The following TGFB2 variants were observed in gnomAD, a reference collection of about 807,000 sequenced individuals.
The protein encoded by TGFB2 is transforming growth factor beta-2 proprotein.
Under a neutral mutation model 42.7 loss-of-function variants are expected in TGFB2, and 13 were observed. The ratio of observed to expected loss-of-function variants is 0.30; its 90% CI spans 0.20 to 0.48. The LOEUF (loss-of-function observed/expected upper bound fraction) is 0.48, where lower values mean the gene tolerates loss of function less well. TGFB2 is among the 20% of genes least tolerant of loss of function. TGFB2 has a pLI of 0.99. For synonymous variants in TGFB2, 193 were observed against 193.6 expected, an observed-to-expected ratio of 1.00 and a Z score of 0.03; for missense variants, 390 against 517.5, an observed-to-expected ratio of 0.75 and a Z score of 2.39.
At chr1:218,423,049 G>A (rs1558256784) in intron 2 of TGFB2, among the ~76,000 whole-genome samples, 1 of 152,172 alleles carries the variant, frequency 6.6e-6, no homozygotes, top group Non-Finnish European at 1.5e-5. Context: ...GCCTTCCAGA[G>A]TATGGATGTG....
chr1:218,439,757 CAT>C (rs1182195375), intron 6 of TGFB2, among the ~76,000 whole-genome samples: 1 of 152,210 alleles, frequency 6.6e-6, no homozygotes, highest in Non-Finnish European at 1.5e-5. Context: ...CAAGTAGAAA[CAT>C]AATTCTCCTC....
chr1:218,430,568 T>C (rs1247808553), intron 2 of TGFB2, among the ~76,000 whole-genome samples: 10 of 152,196 alleles, frequency 6.6e-5, no homozygotes, highest in Non-Finnish European at 1.3e-4. Flanking sequence ...ATCTGGTCAC[T>C]TCCTGTATAA....
At chr1:218,373,472 TATG>T (rs1657639186) in intron 1 of TGFB2, among the ~76,000 whole-genome samples, 1 of 151,772 alleles carries the variant, frequency 6.6e-6, no homozygotes, top group African/African-American at 2.4e-5. Flanking sequence ...TTAGTTATAA[TATG>T]ATTATATTAC....
intron 5 of TGFB2, 23 bp downstream of exon 5, chr1:218,436,170 C>T (rs1227562793): frequency 2.5e-6 from 4 of 1,602,422 alleles, no homozygotes; most frequent in Non-Finnish European, 3.4e-6. Flanking sequence ...AAAGTAAAAC[C>T]AAGTAATTGC....
At chr1:218,378,463 T>C (rs1037945170) in intron 1 of TGFB2, among the ~76,000 whole-genome samples, 2 of 151,388 alleles carry the variant, frequency 1.3e-5, no homozygotes, top group Non-Finnish European at 3.0e-5. Flanking sequence ...AGGCGTGAGC[T>C]ACTGCACCCG....
intron 6 of TGFB2, among the ~76,000 whole-genome samples, chr1:218,439,107 CAAAA>C (rs5781035): frequency 1.5e-4 from 16 of 103,886 alleles, no homozygotes; most frequent in African/African-American, 2.8e-4. Context: ...GATCCTGTCT[CAAAA>C]AAAAAAAAAA....
chr1:218,368,696 T>C (rs1236091381), intron 1 of TGFB2, among the ~76,000 whole-genome samples: 4 of 152,090 alleles, frequency 2.6e-5, no homozygotes, highest in Admixed American at 2.0e-4. Context: ...AGGGAGTGCA[T>C]GTAAGCAGAC....
At chr1:218,435,905 A>T in intron 4 of TGFB2, 65 bp from the exon 5 acceptor site, 2 of 1,506,448 alleles carry the variant, frequency 1.3e-6, no homozygotes, top group Non-Finnish European at 1.8e-6. Context: ...AAGGAAAAAA[A>T]TATGGCTGAC....
At chr1:218,428,617 G>C (rs1659703833) in intron 2 of TGFB2, among the ~76,000 whole-genome samples, 1 of 152,122 alleles carries the variant, frequency 6.6e-6, no homozygotes. Context: ...TCTTGTTTTT[G>C]TCAGGTTTGT....
intron 2 of TGFB2, among the ~76,000 whole-genome samples, chr1:218,431,308 AG>A (rs1400044864): frequency 6.6e-6 from 1 of 152,164 alleles, no homozygotes; most frequent in Non-Finnish European, 1.5e-5. Flanking sequence ...AAAGAGAAAA[AG>A]CTTCAGAGTC....
chr1:218,426,095 A>G (rs1659613970), intron 2 of TGFB2, among the ~76,000 whole-genome samples: 1 of 152,210 alleles, frequency 6.6e-6, no homozygotes. Context: ...CACACTAATG[A>G]ACCTGGTGTC....
At chr1:218,423,454 G>A (rs915463037) in intron 2 of TGFB2, among the ~76,000 whole-genome samples, 2 of 152,124 alleles carry the variant, frequency 1.3e-5, no homozygotes, top group African/African-American at 4.8e-5. Context: ...TAGAGTGAAA[G>A]TAAGCATGTC....
chr1:218,428,413 G>A (rs534397766), intron 2 of TGFB2, among the ~76,000 whole-genome samples: 2 of 152,306 alleles, frequency 1.3e-5, no homozygotes, highest in South Asian at 2.1e-4. Context: ...CCTTGCCCAT[G>A]CCCATGTCCT....
chr1:218,429,798 G>A (rs904458928), intron 2 of TGFB2, among the ~76,000 whole-genome samples: 12 of 152,136 alleles, frequency 7.9e-5, no homozygotes, highest in African/African-American at 2.9e-4. Context: ...TCAGTTTCTA[G>A]ACCATTTAAT....
chr1:218,347,660 A>G (rs1656735041), intron 1 of TGFB2, among the ~76,000 whole-genome samples: 1 of 152,108 alleles, frequency 6.6e-6, no homozygotes, highest in Non-Finnish European at 1.5e-5. Flanking sequence ...ATCATTTGCT[A>G]TCACTAGGTG....
intron 1 of TGFB2, among the ~76,000 whole-genome samples, chr1:218,377,582 T>C (rs1657784695): frequency 6.6e-6 from 1 of 152,164 alleles, no homozygotes; most frequent in Non-Finnish European, 1.5e-5. Flanking sequence ...CTCCCCCTAA[T>C]GTATTTTACA....
At chr1:218,413,154 T>C (rs554256066) in intron 2 of TGFB2, among the ~76,000 whole-genome samples, 3 of 152,278 alleles carry the variant, frequency 2.0e-5, no homozygotes, top group African/African-American at 7.2e-5. Flanking sequence ...GGTGGATTGC[T>C]TGAGCCCAGG....
intron 4 of TGFB2, among the ~76,000 whole-genome samples, chr1:218,435,733 C>T (rs1168614880): frequency 1.3e-5 from 2 of 152,178 alleles, no homozygotes; most frequent in Non-Finnish European, 2.9e-5. Flanking sequence ...ACAGCCCTGG[C>T]TTTGACACCG....
intron 6 of TGFB2, among the ~76,000 whole-genome samples, chr1:218,438,581 T>G (rs192615770): frequency 5.0e-4 from 76 of 150,806 alleles, no homozygotes; most frequent in Non-Finnish European, 1.8e-4. Context: ...GTTTCTCTAC[T>G]TTTTTTTTAA....
Sources: gnomAD v4.1 joint callset for allele counts (sites outside exome capture counted in the v4.1 genomes callset) on GRCh38, gnomAD v4.1.1 for gene constraint, MANE v1.5 for transcripts, NCBI Gene and HGNC (gene_info 2026-07-23, HGNC 2026-07-21) for gene names.